ECSCR: variants seen among roughly 807,000 people sequenced by gnomAD.
ECSCR encodes endothelial cell-specific chemotaxis regulator.
A neutral mutation model predicts 16.7 loss-of-function variants in ECSCR; 12 were observed. That is an observed-to-expected ratio of 0.72 (90% CI 0.46 to 1.17). The LOEUF is 1.17. ECSCR is among the 50% of genes most tolerant of loss of function. ECSCR has a pLI of 0.00. For synonymous variants in ECSCR, 44 were observed against 42.2 expected (o/e 1.04, Z -0.17); for missense variants, 122 against 116.1 (o/e 1.05, Z -0.23).
At chr5:139,449,018 G>T in intron 9 of ECSCR, 60 bp downstream of exon 9, 1 of 1,531,828 alleles carries the variant, frequency 6.5e-7, no homozygotes, top group Non-Finnish European at 8.8e-7. Flanking sequence ...TGGCCTGAAA[G>T]TAGGAGGAGG....
Position 139,449,241 on chromosome 5 carries a change from G to A in ECSCR, c.513-67C>T, listed in dbSNP as rs1750975766. 4 of 1,209,100 alleles carry A rather than the reference G, an allele frequency of 3.3e-6. 1 individual carries two copies. Among genetic ancestry groups the A allele is most frequent in the Non-Finnish European group, 4.7e-6 (4 of 849,576 alleles). 74.9% of individuals were successfully genotyped at this position (1,209,100 alleles called of 1,614,324 possible). On this transcript the variant is annotated intron_variant, in intron 8 of 9. Transcript: ENST00000618155. Reference sequence around the variant, plus strand: ...CAGGGCAATGGGGAGTCAAGGAACTGTGAGGTTGTTGAGCCTTAGACCTTT... The same window carrying A: ...CAGGGCAATGGGGAGTCAAGGAACTATGAGGTTGTTGAGCCTTAGACCTTT...
Position 139,454,640 on chromosome 5 carries a change from T to C in ECSCR, c.476-2A>G. ...CTGAACTCCCAGGTTTCTGGGGATC[T>C]GTAAAAAGCCAAAGGCACAGGTTGG... On this transcript the variant is annotated splice_acceptor_variant, in intron 7 of 9. Transcript: ENST00000618155. LOFTEE classifies it high-confidence loss of function. The C allele has an allele frequency of 2.5e-6, 1 of 398,282 alleles. No individual in the cohort carries two copies. The highest frequency in any genetic ancestry group is 4.4e-6 in the Non-Finnish European group (1 of 225,922). 24.7% of individuals were successfully genotyped at this position (398,282 alleles called of 1,614,324 possible). A position where few individuals can be genotyped will look rare whatever the true frequency, so the allele number is the denominator to read the frequency against.
chr5:139,448,763 CT>C lies in ECSCR; in HGVS notation c.*136del, dbSNP rs1750964517. On this transcript the variant is annotated 3_prime_UTR_variant, in exon 10 of 10. Coordinates refer to ENST00000618155, the MANE Select transcript of ECSCR (RefSeq NM_001077693.4). ...CCAGATCTGGGGCAATGCTAGTGTC[CT>C]TTAGATCTAGAAGCAGACATGAAAC... 6.8e-7 allele frequency: 1 copy of C among 1,477,180 alleles called. No homozygotes were observed. Among genetic ancestry groups the C allele is most frequent in the Non-Finnish European group, 8.9e-7 (1 of 1,118,966 alleles). The allele number at this position is 1,477,180 out of a possible 1,614,324, so 91.5% of individuals were successfully genotyped here.
rs1464769304 is a variant in ECSCR, at chr5:139,457,617, A to T, written c.158-13T>A. On this transcript the variant is annotated splice_polypyrimidine_tract_variant and intron_variant, in intron 3 of 9. Coordinates refer to ENST00000618155, the MANE Select transcript of ECSCR (RefSeq NM_001077693.4). ...GAAGGGATGTATCCTGCAAGGACAG[A>T]GGCAGATAGGGAGTGGGAGGTGGGG... is the stretch of plus-strand genomic sequence containing the variant. 3 of 938,396 alleles carry T rather than the reference A, an allele frequency of 3.2e-6. No homozygotes were observed. The highest frequency in any genetic ancestry group is 5.3e-6 in the Non-Finnish European group (3 of 562,276). The allele number at this position is 938,396 out of a possible 1,614,324, so 58.1% of individuals were successfully genotyped here.
chr5:139,449,122 T>A lies in ECSCR; in HGVS notation c.565A>T (p.Asn189Tyr), dbSNP rs1213654678. 2 of 1,537,122 alleles carry A rather than the reference T, an allele frequency of 1.3e-6. No homozygotes were observed. Among genetic ancestry groups the A allele is most frequent in the African/African-American group, 2.7e-5 (2 of 73,034 alleles). The change falls in exon 9 of 10, where the codon AAC becomes TAC. Residue 189 changes from asparagine to tyrosine, a missense_variant. By Grantham distance (143) the Asn-to-Tyr change is moderately radical. Coordinates refer to ENST00000618155, the MANE Select transcript of ECSCR (RefSeq NM_001077693.4). Reference sequence around the variant, plus strand: ...TGTTTGCCATTATTCATGTTGATGTTCTTCATGGAGATAAGGGTGATGCTG... The same window carrying A: ...TGTTTGCCATTATTCATGTTGATGTACTTCATGGAGATAAGGGTGATGCTG... ...KDSITLISMK[N>Y]INMNNGKQSL...
chr5:139,452,656 A>AGTGTGGGGTGTGGGGAGTGTGGT (rs1751090209), intron 8 of ECSCR, among the ~76,000 whole-genome samples: 1 of 22 alleles, frequency 0.045, no homozygotes, highest in Non-Finnish European at 0.083. Context: ...GTGTATGCAT[A>AGTGTGGGGTGTGGGGAGTGTGGT]GTGNNNNNNN....
Position 139,455,397 on chromosome 5 carries a change from C to G in ECSCR, c.302G>C (p.Ser101Thr). 1 of 398,698 alleles carries G rather than the reference C, an allele frequency of 2.5e-6. No homozygotes were observed. Among genetic ancestry groups the G allele is most frequent in the Non-Finnish European group, 4.4e-6 (1 of 226,150 alleles). The allele number at this position is 398,698 out of a possible 1,614,324, so 24.7% of individuals were successfully genotyped here. A position where few individuals can be genotyped will look rare whatever the true frequency, so the allele number is the denominator to read the frequency against. ...QTVPPNSTTM[S>T]LSMREDATIL... ...GGTCGCATCTTCCCTCATGCTCAGG[C>G]TCATGGTGGTTGAATTGGGGGGAAC... The change falls in exon 6 of 10, where the codon AGC becomes ACC. Residue 101 changes from serine (S) to threonine (T), a missense_variant. Physicochemically the swap from Ser to Thr is moderately conservative, Grantham distance 58. Coordinates refer to ENST00000618155, the MANE Select transcript of ECSCR (RefSeq NM_001077693.4).
rs1377013335 is a variant in ECSCR, at chr5:139,449,079, T to A, written c.608A>T (p.Lys203Met). Residue 203 changes from lysine to methionine, a missense_variant and splice_region_variant, in exon 9 of 10, where the codon AAG (lysine) becomes ATG (methionine). Physicochemically the swap from Lys to Met is moderately conservative, Grantham distance 95. Transcript: ENST00000618155. ...NNGKQSLSAE[K>M]VL is the part of the protein sequence containing the mutation. ...AAGGCAGGAAACAGAAAAATGTACC[T>A]TCTCTGCTGAGAGACTTTGTTTGCC... is the stretch of plus-strand genomic sequence containing the variant. The A allele has an allele frequency of 6.5e-7, 1 of 1,537,014 alleles. No homozygotes were observed. Among genetic ancestry groups the A allele is most frequent in the Admixed American group, 2.0e-5 (1 of 50,982 alleles).
chr5:139,449,764 C>T (rs1292194375), intron 8 of ECSCR, among the ~76,000 whole-genome samples: 1 of 152,192 alleles, frequency 6.6e-6, no homozygotes, highest in African/African-American at 2.4e-5. Flanking sequence ...CTCTGTCACC[C>T]AGACTGGAGT....
Position 139,448,675 on chromosome 5 carries a change from C to G in ECSCR, c.*225G>C. The G allele has an allele frequency of 1.5e-6, 2 of 1,344,878 alleles. No homozygotes were observed. The highest frequency in any genetic ancestry group is 1.9e-6 in the Non-Finnish European group (2 of 1,035,754). The allele number at this position is 1,344,878 out of a possible 1,614,324, so 83.3% of individuals were successfully genotyped here. On this transcript the variant is annotated 3_prime_UTR_variant, in exon 10 of 10. Transcript: ENST00000618155. The stretch of plus-strand genomic sequence containing the variant: ...TGTGGCTCTGAGGAGGTGGGAGAAG[C>G]AGGCAGTATTTCCACAGCAGCTGTC...
At chr5:139,450,945 G>T (rs1195533592) in intron 8 of ECSCR, among the ~76,000 whole-genome samples, 1 of 152,142 alleles carries the variant, frequency 6.6e-6, no homozygotes, top group Admixed American at 6.6e-5. Flanking sequence ...CACTTTTCAT[G>T]ATGGGGTTAT....
In ECSCR at chr5:139,455,374, T is replaced by C. The variant is rs1420561848; in HGVS notation, c.325A>G (p.Thr109Ala). ...TCTGACGTGGGGCTGGGCAGGATGG[T>C]CGCATCTTCCCTCATGCTCAGGCTC... ...TMSLSMREDA[T>A]ILPSPTSETV... Residue 109 changes from threonine (T) to alanine (A), a missense_variant, in exon 6 of 10, where the codon ACC becomes GCC. Transcript: ENST00000618155. 2.0e-5 allele frequency: 8 copies of C among 398,556 alleles called. No homozygotes were observed. The highest frequency in any genetic ancestry group is 3.5e-5 in the Non-Finnish European group (8 of 226,154). The allele number at this position is 398,556 out of a possible 1,614,324, so 24.7% of individuals were successfully genotyped here.
At position 139,448,682 on chromosome 5, in the gene ECSCR, T is replaced by C; in HGVS notation, c.*218A>G. On this transcript the variant is annotated 3_prime_UTR_variant, in exon 10 of 10. Transcript: ENST00000618155. The stretch of plus-strand genomic sequence containing the variant: ...CTGAGGAGGTGGGAGAAGCAGGCAG[T>C]ATTTCCACAGCAGCTGTCCATACAG... 1 of 1,372,200 alleles carries C rather than the reference T, an allele frequency of 7.3e-7. No homozygotes were observed. Among genetic ancestry groups the C allele is most frequent in the Non-Finnish European group, 9.4e-7 (1 of 1,058,754 alleles). The allele number at this position is 1,372,200 out of a possible 1,614,324, so 85.0% of individuals were successfully genotyped here.
At chr5:139,454,980 C>G (rs1022915304) in intron 6 of ECSCR, 57 bp from the exon 7 acceptor site, 19 of 398,694 alleles carry the variant, frequency 4.8e-5, no homozygotes, top group Non-Finnish European at 7.1e-5. Context: ...AAGGGGCCAA[C>G]AAGAGTCCGG....
Position 139,455,397 on chromosome 5 carries a change from C to T in ECSCR, c.302G>A (p.Ser101Asn), listed in dbSNP as rs1422606902. The stretch of plus-strand genomic sequence containing the variant: ...GGTCGCATCTTCCCTCATGCTCAGG[C>T]TCATGGTGGTTGAATTGGGGGGAAC... ...QTVPPNSTTM[S>N]LSMREDATIL... The change falls in exon 6 of 10, where the codon AGC (serine) becomes AAC (asparagine). Residue 101 changes from serine to asparagine, a missense_variant. Ser to Asn is a conservative substitution (Grantham distance 46). Coordinates refer to ENST00000618155, the MANE Select transcript of ECSCR (RefSeq NM_001077693.4). 3 of 398,580 alleles carry T rather than the reference C, an allele frequency of 7.5e-6. No individual in the cohort carries two copies. The highest frequency in any genetic ancestry group is 6.2e-5 in the African/African-American group (3 of 48,608). The allele number at this position is 398,580 out of a possible 1,614,324, so 24.7% of individuals were successfully genotyped here.
In ECSCR at chr5:139,456,032, G is replaced by A. The variant is rs1307693456; in HGVS notation, c.262+442C>T. ...AGCTACTTAGGTGGCTGAGGCAGGAGAATCTCTTGAACCTGGGAGGCAGGG... is the reference window on the plus strand; with the variant it reads ...AGCTACTTAGGTGGCTGAGGCAGGAAAATCTCTTGAACCTGGGAGGCAGGG... On this transcript the variant is annotated intron_variant, in intron 5 of 9. Transcript: ENST00000618155. Among the ~76,000 whole-genome samples the A allele has an allele frequency of 7.9e-5, 12 of 152,216 alleles. No homozygotes were observed. In the South Asian group the frequency reaches 2.5e-3, roughly 32 times the overall value.
intron 9 of ECSCR, 22 bp downstream of exon 9, chr5:139,449,056 G>A: frequency 6.5e-7 from 1 of 1,534,930 alleles, no homozygotes; most frequent in Non-Finnish European, 8.7e-7. Context: ...GGGGAAGGAA[G>A]GCAGGAAACA....
At chr5:139,457,691 T>G (rs1751189105) in intron 3 of ECSCR, 66 bp downstream of exon 3, 1 of 1,586,898 alleles carries the variant, frequency 6.3e-7, no homozygotes, top group South Asian at 1.1e-5. Flanking sequence ...ACCCCTGGGC[T>G]CCAAGCAGGT....
rs1330968639 is a variant in ECSCR, at chr5:139,448,889, C to A, written c.*11G>T. The A allele has an allele frequency of 2.0e-6, 3 of 1,537,088 alleles. No homozygotes were observed. The highest frequency in any genetic ancestry group is 2.6e-6 in the Non-Finnish European group (3 of 1,146,910). ...CATCATCCTTGGACTCATGGGGACC[C>A]AAAGTTGCTTTTAAAGAACCTGCAA... is the stretch of plus-strand genomic sequence containing the variant. On this transcript the variant is annotated 3_prime_UTR_variant, in exon 10 of 10. Coordinates refer to ENST00000618155, the MANE Select transcript of ECSCR (RefSeq NM_001077693.4).
Sources: gnomAD v4.1 joint callset for allele counts (sites outside exome capture counted in the v4.1 genomes callset) on GRCh38, gnomAD v4.1.1 for gene constraint, MANE v1.5 for transcripts, NCBI Gene and HGNC (gene_info 2026-07-23, HGNC 2026-07-21) for gene names.